MTMR8: variants seen among roughly 807,000 people sequenced by gnomAD.
MTMR8 encodes the protein myotubularin related protein 8.
MTMR8 carries 65 observed loss-of-function variants against 39.3 expected under a neutral mutation model. The observed-to-expected ratio is 1.65, with a 90% CI of 1.35 to 2.03. The LOEUF (loss-of-function observed/expected upper bound fraction) is 2.03, where lower values mean the gene tolerates loss of function less well. Ranked by LOEUF, MTMR8 falls within the 30% of genes most tolerant of loss-of-function variation. The pLI is 0.00. For synonymous variants in MTMR8, 245 were observed against 185.2 expected (o/e 1.32, Z -2.62); for missense variants, 777 against 538.9 (o/e 1.44, Z -4.37).
intron 12 of MTMR8, among the ~76,000 whole-genome samples, chrX:64,308,152 A>T (rs930347396): frequency 8.2e-5 from 9 of 110,235 alleles, no homozygotes; most frequent in African/African-American, 3.0e-4. Flanking sequence ...AAAGTATAAT[A>T]ATAATAATAA....
chrX:64,394,768 C>G (rs1462219163), intron 1 of MTMR8, among the ~76,000 whole-genome samples: 5 of 112,200 alleles, frequency 4.5e-5, no homozygotes, highest in African/African-American at 1.6e-4. Flanking sequence ...CCACTCTGCC[C>G]CACTCCTCTT....
chrX:64,310,507 T>C (rs188911883), intron 12 of MTMR8, among the ~76,000 whole-genome samples: 1 of 112,033 alleles, frequency 8.9e-6, no homozygotes, highest in East Asian at 2.8e-4. Context: ...TTCTTTTTTT[T>C]AGAAAAATTA....
At chrX:64,319,131 A>T (rs1922557137) in intron 12 of MTMR8, among the ~76,000 whole-genome samples, 1 of 112,647 alleles carries the variant, frequency 8.9e-6, no homozygotes, top group Non-Finnish European at 1.9e-5. Flanking sequence ...AAAAATACCT[A>T]TCATTGGTGA....
chrX:64,317,416 G>T (rs1197579795), intron 12 of MTMR8, among the ~76,000 whole-genome samples: 1 of 110,910 alleles, frequency 9.0e-6, no homozygotes, highest in Non-Finnish European at 1.9e-5. Flanking sequence ...CCCAGACTGG[G>T]TACTTTCTAT....
At chrX:64,298,190 G>A (rs1294458857) in intron 12 of MTMR8, among the ~76,000 whole-genome samples, 1 of 101,224 alleles carries the variant, frequency 9.9e-6, no homozygotes, top group African/African-American at 3.7e-5. Context: ...CCATTTTCAC[G>A]ATATTGATTC....
At position 64,356,271 on chromosome X, in the gene MTMR8, A is replaced by T; in HGVS notation, c.215T>A (p.Leu72His). ...PITSLGCPLTLRCKNFRVAHF... is the reference protein window; with the variant it reads ...PITSLGCPLTHRCKNFRVAHF... The stretch of plus-strand genomic sequence containing the variant: ...GGCCACCCGGAAATTCTTGCAGCGG[A>T]GGGTCAGGGGACAACCCAGGCTAGT... The change falls in exon 3 of 14, where the codon CTC becomes CAC. Residue 72 changes from leucine (L) to histidine (H), a missense_variant. Coordinates refer to ENST00000374852, the MANE Select transcript of MTMR8 (RefSeq NM_017677.4). 8.3e-7 allele frequency: 1 copy of T among 1,210,422 alleles called. No homozygotes were observed.
chrX:64,287,552 C>A (rs1030864014), intron 12 of MTMR8, among the ~76,000 whole-genome samples: 1 of 111,131 alleles, frequency 9.0e-6, no homozygotes, highest in Non-Finnish European at 1.9e-5. Flanking sequence ...ATCACGCTAC[C>A]TGACTTCAAA....
chrX:64,360,862 T>C lies in MTMR8; in HGVS notation c.25-1335A>G, dbSNP rs972014457. ...GAAATGAGAAAGGTTAACAACATAC[T>C]AGTTGAACAGTCAATGTAATGGAAA... On this transcript the variant is annotated intron_variant, in intron 1 of 13. Coordinates refer to ENST00000374852, the MANE Select transcript of MTMR8 (RefSeq NM_017677.4). Among the ~76,000 whole-genome samples the C allele has an allele frequency of 1.6e-4, 18 of 111,658 alleles. No homozygotes were observed. In the Admixed American group the frequency reaches 1.6e-3, roughly 10 times the overall value.
At chrX:64,313,760 C>A (rs1044259187) in intron 12 of MTMR8, among the ~76,000 whole-genome samples, 6 of 112,570 alleles carry the variant, frequency 5.3e-5, no homozygotes, top group African/African-American at 1.3e-4. Context: ...ATCTTCATTT[C>A]TTTCCATATT....
chrX:64,373,276 T>C (rs985743148), intron 1 of MTMR8, among the ~76,000 whole-genome samples: 2 of 111,556 alleles, frequency 1.8e-5, no homozygotes, highest in Non-Finnish European at 3.8e-5. Flanking sequence ...CTATGTTGAA[T>C]TGTAATCCCC....
At chrX:64,282,917 G>A (rs1427141723) in intron 12 of MTMR8, among the ~76,000 whole-genome samples, 1 of 111,728 alleles carries the variant, frequency 9.0e-6, no homozygotes, top group African/African-American at 3.3e-5. Flanking sequence ...GAAGACGGGT[G>A]ATTTCTGTAT....
chrX:64,270,823 T>C (rs1313760404), intron 13 of MTMR8, 124 bp downstream of exon 13: 3 of 752,037 alleles, frequency 4.0e-6, no homozygotes, highest in Non-Finnish European at 5.6e-6. Flanking sequence ...ACGGGACACA[T>C]GAAAAGCCAA....
intron 12 of MTMR8, among the ~76,000 whole-genome samples, chrX:64,283,079 G>A (rs1048809134): frequency 8.9e-6 from 1 of 112,089 alleles, no homozygotes; most frequent in Non-Finnish European, 1.9e-5. Flanking sequence ...TCATAGCCAA[G>A]CAAAGCTGTG....
intron 12 of MTMR8, among the ~76,000 whole-genome samples, chrX:64,290,479 T>C (rs1237800318): frequency 9.0e-6 from 1 of 110,885 alleles, no homozygotes; most frequent in Non-Finnish European, 1.9e-5. Context: ...CCATGGACTC[T>C]TTACCCAGTT....
At chrX:64,364,434 G>A (rs1452738572) in intron 1 of MTMR8, among the ~76,000 whole-genome samples, 1 of 112,054 alleles carries the variant, frequency 8.9e-6, no homozygotes, top group Non-Finnish European at 1.9e-5. Context: ...AATATTTGCT[G>A]TTCTGCAGCC....
intron 12 of MTMR8, among the ~76,000 whole-genome samples, chrX:64,292,716 A>G (rs1921442116): frequency 9.0e-6 from 1 of 110,950 alleles, no homozygotes; most frequent in Non-Finnish European, 1.9e-5. Flanking sequence ...CTCCGTAAGG[A>G]CCTGACCCAG....
In MTMR8 at chrX:64,354,774, T is replaced by A; in HGVS notation, c.468+3A>T. ...AAAAGGCAAACAACAAGGACAAAAT[T>A]ACCTCATAGTTTCTGTTGGCATCTG... On this transcript the variant is annotated splice_donor_region_variant and intron_variant, in intron 4 of 13. Transcript: ENST00000374852. The A allele has an allele frequency of 8.5e-7, 1 of 1,170,467 alleles. No homozygotes were observed.
intron 12 of MTMR8, among the ~76,000 whole-genome samples, chrX:64,313,078 C>A (rs909480336): frequency 8.9e-6 from 1 of 112,224 alleles, no homozygotes; most frequent in Non-Finnish European, 1.9e-5. Flanking sequence ...TCACCAGCTG[C>A]ATTAAACCCT....
At chrX:64,295,975 C>T (rs1165740156) in intron 12 of MTMR8, among the ~76,000 whole-genome samples, 1 of 111,856 alleles carries the variant, frequency 8.9e-6, no homozygotes, top group Non-Finnish European at 1.9e-5. Flanking sequence ...CCAAAGAACT[C>T]GAAGCAGGAA....
Sources: allele counts gnomAD v4.1 joint callset (sites outside exome capture counted in the v4.1 genomes callset), GRCh38; gene constraint gnomAD v4.1.1; transcripts MANE v1.5; gene names NCBI Gene and HGNC (gene_info 2026-07-23, HGNC 2026-07-21).